SPTBN1: variants seen among roughly 807,000 people sequenced by gnomAD.
SPTBN1 encodes spectrin beta, non-erythrocytic 1.
Under a neutral mutation model 266.4 loss-of-function variants are expected in SPTBN1, and 32 were observed. The ratio of observed to expected loss-of-function variants is 0.12; its 90% CI spans 0.09 to 0.16. SPTBN1 has a LOEUF of 0.16. Ranked by LOEUF, SPTBN1 falls within the 10% of genes least tolerant of loss-of-function variation. The probability of loss-of-function intolerance (pLI) is 1.00; values close to 1 mark genes in which losing one functional copy is unlikely to be tolerated. For missense variants in SPTBN1, 2,296 were observed against 3,067.1 expected (o/e 0.75, Z 5.94); for synonymous variants, 1,336 against 1,162.2 (o/e 1.15, Z -3.04).
intron 1 of SPTBN1, among the ~76,000 whole-genome samples, chr2:54,490,105 G>C (rs1668607505): frequency 6.7e-6 from 1 of 149,360 alleles, no homozygotes; most frequent in African/African-American, 2.5e-5. Flanking sequence ...TTGTGAGGCG[G>C]AGTTGCACTT....
In SPTBN1 at chr2:54,629,089, G is replaced by C. The variant is rs1354284032; in HGVS notation, c.1955G>C (p.Gly652Ala). Residue 652 changes from glycine (G) to alanine (A), a missense_variant, in exon 14 of 36, where the codon GGC (glycine) becomes GCC (alanine). Physicochemically the swap from Gly to Ala is moderately conservative, Grantham distance 60. Around this residue, in one of 12 missense-constraint regions of SPTBN1, gnomAD observed 434 missense variants for 573.9 expected, o/e 0.76. Coordinates refer to ENST00000356805, the MANE Select transcript of SPTBN1 (RefSeq NM_003128.3). ...KFFWEMAEEEGWIREKEKILS... is the reference protein window; with the variant it reads ...KFFWEMAEEEAWIREKEKILS... ...TTCTGGGAGATGGCAGAAGAGGAAG[G>C]CTGGATACGGGAGAAGGAGAAGATC... 2 of 1,613,658 alleles carry C rather than the reference G, an allele frequency of 1.2e-6. No homozygotes were observed. The highest frequency in any genetic ancestry group is 2.2e-5 in the East Asian group (1 of 44,902).
chr2:54,489,946 T>C (rs1558772822), intron 1 of SPTBN1, among the ~76,000 whole-genome samples: 1 of 152,244 alleles, frequency 6.6e-6, no homozygotes, highest in Non-Finnish European at 1.5e-5. Flanking sequence ...AAAATGTTTG[T>C]AATTCTAGCT....
At chr2:54,471,484 T>C (rs1693915880) in intron 1 of SPTBN1, among the ~76,000 whole-genome samples, 1 of 151,906 alleles carries the variant, frequency 6.6e-6, no homozygotes, top group Non-Finnish European at 1.5e-5. Context: ...GATTTTTTTT[T>C]TTTTTTCAGT....
chr2:54,577,774 A>T (rs551550434), intron 2 of SPTBN1, among the ~76,000 whole-genome samples: 1 of 152,306 alleles, frequency 6.6e-6, no homozygotes, highest in Admixed American at 6.5e-5. Context: ...ATTTTTAACC[A>T]TCTTGCTGTG....
At chr2:54,639,796 A>G (rs1220515165) in intron 18 of SPTBN1, among the ~76,000 whole-genome samples, 1 of 152,222 alleles carries the variant, frequency 6.6e-6, no homozygotes. Context: ...ATTATGAGGC[A>G]TGCCCAGGGG....
chr2:54,613,245 C>A (rs1677351611), intron 4 of SPTBN1, among the ~76,000 whole-genome samples: 1 of 152,202 alleles, frequency 6.6e-6, no homozygotes, highest in Non-Finnish European at 1.5e-5. Flanking sequence ...TTCTAACAGT[C>A]CTGTCTCCTC....
chr2:54,526,380 G>C lies in SPTBN1; in HGVS notation c.-39G>C. On this transcript the variant is annotated 5_prime_UTR_variant, in exon 2 of 36. Coordinates refer to ENST00000356805, the MANE Select transcript of SPTBN1 (RefSeq NM_003128.3). ...CCTTTTCTTTCTCATAGAACTCTAA[G>C]AAGGAGCTGATGTGGAGGAGCAGCT... is the stretch of plus-strand genomic sequence containing the variant. 6.2e-7 allele frequency: 1 copy of C among 1,609,290 alleles called. No individual in the cohort carries two copies. The highest frequency in any genetic ancestry group is 1.1e-5 in the South Asian group (1 of 90,526).
intron 1 of SPTBN1, among the ~76,000 whole-genome samples, chr2:54,496,925 ATG>A (rs1668999346): frequency 6.6e-6 from 1 of 152,260 alleles, no homozygotes; most frequent in African/African-American, 2.4e-5. Flanking sequence ...GTGAACAACT[ATG>A]TGTCCTGTAA....
intron 2 of SPTBN1, among the ~76,000 whole-genome samples, chr2:54,592,148 C>CA (rs1408083354): frequency 1.3e-5 from 2 of 152,164 alleles, no homozygotes; most frequent in African/African-American, 4.8e-5. Context: ...GCTGGGGTGA[C>CA]AGACTCCTTC....
rs761681750 is a variant in SPTBN1, at chr2:54,622,392, C to A, written c.969C>A (p.Ile323=). The A allele has an allele frequency of 1.9e-6, 3 of 1,614,116 alleles. No individual in the cohort carries two copies. The highest frequency in any genetic ancestry group is 2.5e-6 in the Non-Finnish European group (3 of 1,180,042). The change falls in exon 9 of 36, where the codon ATC becomes ATA. Residue 323 remains isoleucine (I), a synonymous_variant. Transcript: ENST00000356805. ...DLLEWIEQTI[I]ILNNRKFANS... ...TGGAATGGATTGAACAAACCATCATCATTCTGAACAATCGCAAATTTGCCA... is the reference window on the plus strand; with the variant it reads ...TGGAATGGATTGAACAAACCATCATAATTCTGAACAATCGCAAATTTGCCA...
At chr2:54,595,516 CAGAAGTG>C (rs567018115) in intron 2 of SPTBN1, among the ~76,000 whole-genome samples, 12 of 152,378 alleles carry the variant, frequency 7.9e-5, no homozygotes, top group Admixed American at 1.3e-4. Flanking sequence ...GTGTGAGGCA[CAGAAGTG>C]CCCACCTCAC....
At position 54,668,872 on chromosome 2, in the gene SPTBN1, C is replaced by T. The variant is rs190708375; in HGVS notation, c.*303C>T. The T allele has an allele frequency of 1.5e-4, 48 of 324,850 alleles. 1 individual carries two copies. The highest frequency in any genetic ancestry group is 1.0e-3 in the Middle Eastern group (1 of 976). 20.1% of individuals were successfully genotyped at this position (324,850 alleles called of 1,614,324 possible). A position where few individuals can be genotyped will look rare whatever the true frequency, so the allele number is the denominator to read the frequency against. ...TTGTGAGGCTGTGTTGGAAATAACCCGCCTCTAGTGCTGTTGGTATGCAAG... is the reference window on the plus strand; with the variant it reads ...TTGTGAGGCTGTGTTGGAAATAACCTGCCTCTAGTGCTGTTGGTATGCAAG... On this transcript the variant is annotated 3_prime_UTR_variant, in exon 36 of 36. Transcript: ENST00000356805.
chr2:54,559,291 G>A (rs1031345670), intron 2 of SPTBN1, among the ~76,000 whole-genome samples: 2 of 152,180 alleles, frequency 1.3e-5, no homozygotes, highest in African/African-American at 4.8e-5. Flanking sequence ...GCCGTGCTCA[G>A]ACCCAGTCCT....
chr2:54,490,857 CA>C (rs1179381230), intron 1 of SPTBN1, among the ~76,000 whole-genome samples: 1 of 152,138 alleles, frequency 6.6e-6, no homozygotes. Context: ...AGAGAGAAAA[CA>C]GTGTGTTTTG....
At chr2:54,551,382 G>C (rs1276092826) in intron 2 of SPTBN1, among the ~76,000 whole-genome samples, 2 of 152,270 alleles carry the variant, frequency 1.3e-5, no homozygotes, top group Non-Finnish European at 2.9e-5. Flanking sequence ...ACATTCACAG[G>C]CATAGCACCA....
At chr2:54,485,543 A>G (rs1049070327) in intron 1 of SPTBN1, among the ~76,000 whole-genome samples, 10 of 151,718 alleles carry the variant, frequency 6.6e-5, no homozygotes, top group Admixed American at 4.6e-4. Context: ...GCTGGCTACA[A>G]CCTCCACCTC....
intron 2 of SPTBN1, among the ~76,000 whole-genome samples, chr2:54,549,378 A>G (rs1167082903): frequency 6.6e-6 from 1 of 151,950 alleles, no homozygotes; most frequent in Non-Finnish European, 1.5e-5. Flanking sequence ...GCTGCAGCAT[A>G]TGACAGGATT....
intron 2 of SPTBN1, among the ~76,000 whole-genome samples, chr2:54,586,228 G>C (rs1675281743): frequency 6.6e-6 from 1 of 152,124 alleles, no homozygotes; most frequent in Non-Finnish European, 1.5e-5. Context: ...TGTGGAGTTT[G>C]GCACTCGAAT....
chr2:54,576,074 A>ATTTTTTT (rs1209132160), intron 2 of SPTBN1, among the ~76,000 whole-genome samples: 15,299 of 91,904 alleles, frequency 0.17, 3,585 homozygotes, highest in Non-Finnish European at 0.2. Context: ...TTTTTTTTTG[A>ATTTTTTT]GAGACAGTCT....
Sources: gnomAD v4.1 joint callset for allele counts (sites outside exome capture counted in the v4.1 genomes callset) on GRCh38, gnomAD v4.1.1 for gene constraint, gnomAD v4.1.1 regional missense constraint, MANE v1.5 for transcripts, NCBI Gene and HGNC (gene_info 2026-07-23, HGNC 2026-07-21) for gene names.